Variants in HCRTR2 observed in about 807,000 individuals in gnomAD.
The protein encoded by HCRTR2 is hypocretin receptor 2, also known as orexin receptor type 2.
A neutral mutation model predicts 49.0 loss-of-function variants in HCRTR2; 22 were observed. The ratio of observed to expected loss-of-function variants is 0.45; its 90% CI spans 0.32 to 0.64. The LOEUF is 0.64. Ranked by LOEUF, HCRTR2 falls within the 30% of genes least tolerant of loss-of-function variation. HCRTR2 has a pLI of 0.04. For synonymous variants in HCRTR2, 236 were observed against 205.3 expected, an observed-to-expected ratio of 1.15 and a Z score of -1.28; for missense variants, 491 against 559.4, an observed-to-expected ratio of 0.88 and a Z score of 1.23.
intron 1 of HCRTR2, among the ~76,000 whole-genome samples, chr6:55,123,449 A>T (rs1764230137): frequency 6.6e-6 from 1 of 152,050 alleles, no homozygotes; most frequent in Non-Finnish European, 1.5e-5. Flanking sequence ...CTTATGTTGA[A>T]CCAGCCTTGC....
intron 1 of HCRTR2, among the ~76,000 whole-genome samples, chr6:55,198,733 A>G (rs1765461101): frequency 6.6e-6 from 1 of 152,104 alleles, no homozygotes; most frequent in South Asian, 2.1e-4. Context: ...GAAAAAAATA[A>G]AAATGTGTGT....
At chr6:55,157,988 G>A (rs1764752915) in intron 1 of HCRTR2, among the ~76,000 whole-genome samples, 1 of 152,262 alleles carries the variant, frequency 6.6e-6, no homozygotes, top group South Asian at 2.1e-4. Context: ...ACATCCACAA[G>A]CTTTAAGACC....
intron 4 of HCRTR2, among the ~76,000 whole-genome samples, chr6:55,268,839 C>A (rs1766912708): frequency 6.6e-6 from 1 of 151,786 alleles, no homozygotes; most frequent in Non-Finnish European, 1.5e-5. Context: ...CCCTGTAATC[C>A]CAGCACTTTG....
intron 1 of HCRTR2, among the ~76,000 whole-genome samples, chr6:55,196,098 TTAA>T (rs1562003297): frequency 6.6e-6 from 1 of 152,260 alleles, no homozygotes; most frequent in Non-Finnish European, 1.5e-5. Context: ...AGATCTGTAA[TTAA>T]TACTTGTCGA....
At chr6:55,273,022 G>A (rs1767004196) in intron 4 of HCRTR2, among the ~76,000 whole-genome samples, 1 of 151,922 alleles carries the variant, frequency 6.6e-6, no homozygotes, top group South Asian at 2.1e-4. Flanking sequence ...TATTCATAGT[G>A]AGAATGATGT....
chr6:55,216,405 G>C (rs1265088510), intron 1 of HCRTR2, among the ~76,000 whole-genome samples: 1 of 152,064 alleles, frequency 6.6e-6, no homozygotes, highest in Admixed American at 6.5e-5. Flanking sequence ...GAGACTCAAG[G>C]CATGATCCAT....
chr6:55,223,337 A>G (rs371059590), intron 1 of HCRTR2, among the ~76,000 whole-genome samples: 20 of 152,278 alleles, frequency 1.3e-4, no homozygotes, highest in East Asian at 9.6e-4. Flanking sequence ...CTTACCTTTC[A>G]TAAGTTGATT....
At chr6:55,265,334 T>C (rs1766842074) in intron 4 of HCRTR2, among the ~76,000 whole-genome samples, 1 of 152,078 alleles carries the variant, frequency 6.6e-6, no homozygotes. Context: ...GCTAGGTTAT[T>C]ATTCTTCTAT....
At chr6:55,195,699 T>A (rs1362634216) in intron 1 of HCRTR2, among the ~76,000 whole-genome samples, 1 of 151,998 alleles carries the variant, frequency 6.6e-6, no homozygotes, top group Non-Finnish European at 1.5e-5. Context: ...TGGCCGGGCG[T>A]GGTGGCTCAC....
At position 55,282,394 on chromosome 6, in the gene HCRTR2, G is replaced by T. The variant is rs751523923; in HGVS notation, c.1275G>T (p.Val425=). The T allele has an allele frequency of 6.2e-7, 1 of 1,613,334 alleles. No homozygotes were observed. Among genetic ancestry groups the T allele is most frequent in the Non-Finnish European group, 8.5e-7 (1 of 1,179,604 alleles). Residue 425 remains valine (V), a synonymous_variant, in exon 7 of 7, where the codon GTG becomes GTT. Transcript: ENST00000370862. The part of the protein sequence containing the change: ...DNISKLSEQV[V]LTSISTLPAA... ...TATCAAAACTTTCTGAGCAAGTTGT[G>T]CTCACTAGCATAAGCACACTCCCAG...
intron 3 of HCRTR2, among the ~76,000 whole-genome samples, chr6:55,260,240 C>T (rs567447588): frequency 2.8e-4 from 42 of 152,208 alleles, no homozygotes; most frequent in African/African-American, 8.2e-4. Context: ...AACAGGGCTT[C>T]GCAGGTATGT....
At chr6:55,253,857 A>C (rs532270133) in intron 2 of HCRTR2, among the ~76,000 whole-genome samples, 334 of 152,206 alleles carry the variant, frequency 2.2e-3, no homozygotes, top group African/African-American at 7.7e-3. Flanking sequence ...AAGGGGAACA[A>C]CACGCACTGG....
intron 1 of HCRTR2, among the ~76,000 whole-genome samples, chr6:55,169,174 G>A (rs1764915526): frequency 6.6e-6 from 1 of 151,786 alleles, no homozygotes. Flanking sequence ...AATAAGACAG[G>A]AAGAGTGTTT....
intron 1 of HCRTR2, among the ~76,000 whole-genome samples, chr6:55,140,804 T>C (rs992686967): frequency 5.9e-5 from 9 of 152,104 alleles, no homozygotes; most frequent in African/African-American, 2.2e-4. Context: ...TCATAGTTGC[T>C]TAGAAAAAGT....
At chr6:55,156,870 T>C (rs889751053) in intron 1 of HCRTR2, among the ~76,000 whole-genome samples, 1 of 152,116 alleles carries the variant, frequency 6.6e-6, no homozygotes, top group African/African-American at 2.4e-5. Context: ...AGACTAGGAA[T>C]AGAAGGGAAC....
chr6:55,211,491 T>A (rs979366085), intron 1 of HCRTR2, among the ~76,000 whole-genome samples: 8 of 152,142 alleles, frequency 5.3e-5, no homozygotes, highest in Admixed American at 2.6e-4. Context: ...TTCCCTCTCT[T>A]CTTACAATCC....
At chr6:55,123,262 G>A (rs1332101915) in intron 1 of HCRTR2, among the ~76,000 whole-genome samples, 1 of 152,010 alleles carries the variant, frequency 6.6e-6, no homozygotes, top group Non-Finnish European at 1.5e-5. Flanking sequence ...TTAGCTGTAG[G>A]TTTGTCATAA....
At chr6:55,122,814 G>T (rs1394925059) in intron 1 of HCRTR2, among the ~76,000 whole-genome samples, 1 of 151,978 alleles carries the variant, frequency 6.6e-6, no homozygotes, top group Non-Finnish European at 1.5e-5. Context: ...CATGTCCTTT[G>T]TAGGGACATG....
intron 1 of HCRTR2, among the ~76,000 whole-genome samples, chr6:55,165,225 G>GAA (rs1764859871): frequency 1.8e-5 from 2 of 111,402 alleles, no homozygotes; most frequent in South Asian, 5.3e-4. Flanking sequence ...AAAGGAAGGA[G>GAA]AGAGAGAGAG....
Sources: allele counts gnomAD v4.1 joint callset (sites outside exome capture counted in the v4.1 genomes callset), GRCh38; gene constraint gnomAD v4.1.1; transcripts MANE v1.5; gene names NCBI Gene and HGNC (gene_info 2026-07-23, HGNC 2026-07-21).